The following COBLL1 variants were observed in gnomAD, a reference collection of about 807,000 sequenced individuals.
COBLL1 encodes the protein cordon-bleu protein-like 1.
In COBLL1, 50 loss-of-function variants were observed where a neutral mutation model predicts 94.8. The ratio of observed to expected loss-of-function variants is 0.53; its 90% CI spans 0.42 to 0.67. COBLL1 has a LOEUF of 0.67. Ranked by LOEUF, COBLL1 falls within the 30% of genes least tolerant of loss-of-function variation. COBLL1 has a pLI of 0.00. For synonymous variants in COBLL1, 448 were observed against 473.8 expected (o/e 0.95, Z 0.71); for missense variants, 1,362 against 1,348.7 (o/e 1.01, Z -0.15).
In COBLL1 at chr2:164,762,696, C is replaced by CTTT. The variant is rs71028440; in HGVS notation, c.42-18824_42-18822dup. 3.1e-3 allele frequency among the ~76,000 whole-genome samples: 410 copies of CTTT among 132,754 alleles called. 5 individuals carry two copies. Among genetic ancestry groups the CTTT allele is most frequent in the Non-Finnish European group, 4.7e-3 (297 of 62,954 alleles). The allele number at this position is 132,754 out of a possible 152,430, so 87.1% of individuals were successfully genotyped here. A position where few individuals can be genotyped will look rare whatever the true frequency, so the allele number is the denominator to read the frequency against. ...TACAGGCCAAGTTAAGCCTATCATC[C>CTTT]TTTTTTTTTTTTTTTTTTGAGACGC... On this transcript the variant is annotated intron_variant, in intron 2 of 13. Transcript: ENST00000652658.
At chr2:164,735,380 AC>A (rs1334761801) in intron 3 of COBLL1, among the ~76,000 whole-genome samples, 1 of 152,236 alleles carries the variant, frequency 6.6e-6, no homozygotes, top group Non-Finnish European at 1.5e-5. Context: ...CCATCTTTAC[AC>A]AAAGGTGAGA....
chr2:164,783,400 A>C (rs1409407256), intron 2 of COBLL1, among the ~76,000 whole-genome samples: 1 of 152,070 alleles, frequency 6.6e-6, no homozygotes, highest in Non-Finnish European at 1.5e-5. Context: ...GTGAGTACAG[A>C]GTAAGACCCT....
intron 13 of COBLL1, among the ~76,000 whole-genome samples, chr2:164,689,700 T>A (rs1306743290): frequency 6.6e-6 from 1 of 152,176 alleles, no homozygotes; most frequent in Non-Finnish European, 1.5e-5. Context: ...AATTGTGGTA[T>A]TTTCTTCAGC....
chr2:164,735,155 C>G (rs968307649), intron 3 of COBLL1, among the ~76,000 whole-genome samples: 2 of 152,128 alleles, frequency 1.3e-5, no homozygotes, highest in African/African-American at 4.8e-5. Flanking sequence ...TCTTTAGGCA[C>G]CTGGCTAGGT....
intron 13 of COBLL1, chr2:164,687,555 C>G: frequency 7.9e-7 from 1 of 1,259,198 alleles, no homozygotes; most frequent in Non-Finnish European, 1.1e-6. Flanking sequence ...CCACAGTGCC[C>G]TGGGGTTTTC....
intron 2 of COBLL1, among the ~76,000 whole-genome samples, chr2:164,782,756 C>A (rs1688776122): frequency 6.6e-6 from 1 of 152,032 alleles, no homozygotes; most frequent in Non-Finnish European, 1.5e-5. Flanking sequence ...GATTTCTGGT[C>A]AAAGATTTAT....
At chr2:164,752,767 T>A (rs1400437662) in intron 2 of COBLL1, among the ~76,000 whole-genome samples, 3 of 152,106 alleles carry the variant, frequency 2.0e-5, no homozygotes, top group African/African-American at 7.2e-5. Context: ...CAGGTGAGGT[T>A]GGAGAAACAA....
chr2:164,785,737 T>C (rs1688924262), intron 2 of COBLL1, among the ~76,000 whole-genome samples: 1 of 151,972 alleles, frequency 6.6e-6, no homozygotes, highest in African/African-American at 2.4e-5. Context: ...TCTTTCTCCT[T>C]GCTGGGAGTT....
chr2:164,687,712 T>C lies in COBLL1; in HGVS notation c.3301-1680A>G, dbSNP rs1025087409. 13 of 684,588 alleles carry C rather than the reference T, an allele frequency of 1.9e-5. No individual in the cohort carries two copies. The African/African-American group carries it at 2.3e-4, about 12-fold the overall frequency. 42.4% of individuals were successfully genotyped at this position (684,588 alleles called of 1,614,324 possible). The stretch of plus-strand genomic sequence containing the variant: ...CTGCATACACCACCAAGGAAGCTGC[T>C]GTTTGCAGCCATTGCACACTGGGCC... On this transcript the variant is annotated intron_variant, in intron 13 of 13. Transcript: ENST00000652658.
At chr2:164,702,133 AT>A (rs1434505790) in intron 9 of COBLL1, among the ~76,000 whole-genome samples, 1 of 152,172 alleles carries the variant, frequency 6.6e-6, no homozygotes, top group African/African-American at 2.4e-5. Flanking sequence ...TCAATAAAAA[AT>A]ATTTTAAAAT....
chr2:164,784,159 T>C (rs1688837828), intron 2 of COBLL1, among the ~76,000 whole-genome samples: 1 of 152,184 alleles, frequency 6.6e-6, no homozygotes. Context: ...TTCTCTCATT[T>C]CAAAGTATTC....
At chr2:164,828,038 A>T (rs1311755986) in intron 2 of COBLL1, among the ~76,000 whole-genome samples, 1 of 152,210 alleles carries the variant, frequency 6.6e-6, no homozygotes, top group African/African-American at 2.4e-5. Flanking sequence ...GGTATAAAAT[A>T]GTAATTTTAA....
Position 164,694,764 on chromosome 2 carries a change from C to T in COBLL1, c.2628G>A (p.Ser876=), listed in dbSNP as rs374207791. ...CAGCTGCAGATGTCACATAGTGACC[C>T]GATACTCTCTTCTGCATCTGCAAAA... is the stretch of plus-strand genomic sequence containing the variant. ...SFFLQMQKRV[S]GHYVTSAAAK... The change falls in exon 12 of 14, where the codon TCG becomes TCA. Residue 876 remains serine (S), a synonymous_variant. Coordinates refer to ENST00000652658, the MANE Select transcript of COBLL1 (RefSeq NM_001365672.2). 44 of 1,613,220 alleles carry T rather than the reference C, an allele frequency of 2.7e-5. No homozygotes were observed. Among genetic ancestry groups the T allele is most frequent in the African/African-American group, 1.9e-4 (14 of 74,800 alleles).
intron 2 of COBLL1, chr2:164,773,711 G>T (rs1688323471): frequency 7.9e-7 from 1 of 1,267,936 alleles, no homozygotes; most frequent in Non-Finnish European, 1.0e-6. Context: ...ACTTACAACT[G>T]TTCCAGAAAG....
intron 1 of COBLL1, among the ~76,000 whole-genome samples, chr2:164,674,673 G>A (rs1046664890): frequency 6.6e-6 from 1 of 152,188 alleles, no homozygotes; most frequent in African/African-American, 2.4e-5. Context: ...GGGCAAACAA[G>A]ATAGATATGG....
upstream of COBLL1, chr2:164,841,906 G>C: frequency 7.1e-7 from 1 of 1,405,304 alleles, no homozygotes; most frequent in Middle Eastern, 2.0e-4. The surrounding 1 kb of genome is among the most constrained non-coding windows in gnomAD (Gnocchi z 5.5). Context: ...GGCGGGGTGC[G>C]GGCGCTGGCT....
At position 164,775,450 on chromosome 2, in the gene COBLL1, T is replaced by TTTGTC. The variant is rs561202983; in HGVS notation, c.42-31576_42-31575insGACAA. Among the ~76,000 whole-genome samples, 436 of 151,912 alleles carry TTTGTC rather than the reference T, an allele frequency of 2.9e-3. 1 individual carries two copies. Among genetic ancestry groups the TTTGTC allele is most frequent in the Non-Finnish European group, 3.7e-3 (253 of 67,932 alleles). On this transcript the variant is annotated intron_variant, in intron 2 of 13. Coordinates refer to ENST00000652658, the MANE Select transcript of COBLL1 (RefSeq NM_001365672.2). Reference sequence around the variant, plus strand: ...TTTGTCTCTGTTGTCCTGCTGGTAGTTTGTTTTGTTTTGTTTTGTTTTGTG... The same window carrying TTTGTC: ...TTTGTCTCTGTTGTCCTGCTGGTAGTTTGTCTTGTTTTGTTTTGTTTTGTTTTGTG...
chr2:164,820,108 A>G, intron 2 of COBLL1, among the ~76,000 whole-genome samples: 1 of 93,940 alleles, frequency 1.1e-5, no homozygotes, highest in South Asian at 4.6e-4. Flanking sequence ...TGCTGGGATT[A>G]CAGGTGTGGG....
At chr2:164,820,247 T>G (rs1685098956) in intron 2 of COBLL1, among the ~76,000 whole-genome samples, 1 of 152,130 alleles carries the variant, frequency 6.6e-6, no homozygotes, top group African/African-American at 2.4e-5. Context: ...TGAGACAAGG[T>G]CTCACTCTGT....
Sources: allele counts gnomAD v4.1 joint callset (sites outside exome capture counted in the v4.1 genomes callset), GRCh38; gene constraint gnomAD v4.1.1; non-coding constraint Gnocchi (gnomAD v3.1); transcripts MANE v1.5; gene names NCBI Gene and HGNC (gene_info 2026-07-23, HGNC 2026-07-21).